The following CYFIP2 variants were observed in gnomAD, a reference collection of about 807,000 sequenced individuals.
CYFIP2 encodes the protein cytoplasmic FMR1 interacting protein 2.
A neutral mutation model predicts 158.7 loss-of-function variants in CYFIP2; 29 were observed. The observed-to-expected ratio is 0.18, with a 90% confidence interval of 0.14 to 0.25. The LOEUF (loss-of-function observed/expected upper bound fraction) is 0.25. Ranked by LOEUF, CYFIP2 falls within the 10% of genes least tolerant of loss-of-function variation. The pLI, the probability that CYFIP2 is intolerant of heterozygous loss-of-function variation, is 1.00. For missense variants in CYFIP2, 852 were observed against 1,639.5 expected (o/e 0.52, Z 8.29); for synonymous variants, 585 against 617.6 (o/e 0.95, Z 0.78).
chr5:157,323,713 G>C (rs1760790260), intron 15 of CYFIP2, among the ~76,000 whole-genome samples: 1 of 152,214 alleles, frequency 6.6e-6, no homozygotes, highest in Non-Finnish European at 1.5e-5. Flanking sequence ...ACTGGCCCAG[G>C]GATGCCACGG....
intron 9 of CYFIP2, 48 bp from the exon 10 acceptor site, chr5:157,309,695 C>T: frequency 1.9e-6 from 3 of 1,547,418 alleles, no homozygotes; most frequent in Non-Finnish European, 2.6e-6. Flanking sequence ...AGGCAGCCAC[C>T]CCAACCCCTC....
Position 157,325,485 on chromosome 5 carries a change from C to T in CYFIP2, c.1829C>T (p.Ala610Val). The T allele has an allele frequency of 6.2e-7, 1 of 1,606,498 alleles. No homozygotes were observed. Among genetic ancestry groups the T allele is most frequent in the East Asian group, 2.2e-5 (1 of 44,720 alleles). ...FFTHLLNISE[A>V]LQQCCDLSQL... The stretch of plus-strand genomic sequence containing the variant: ...GCTCGTTCCCTTATGCTTTCAGAAG[C>T]CCTGCAGCAGTGTTGTGACCTCTCC... Residue 610 changes from alanine to valine, a missense_variant, in exon 17 of 31, where the codon GCC (alanine) becomes GTC (valine). Transcript: ENST00000620254.
At chr5:157,310,786 C>T (rs1282416859) in intron 10 of CYFIP2, among the ~76,000 whole-genome samples, 3 of 152,176 alleles carry the variant, frequency 2.0e-5, no homozygotes, top group African/African-American at 4.8e-5. Flanking sequence ...GGAAGGCTGT[C>T]ACTGTTCTAC....
At chr5:157,302,717 A>C in intron 6 of CYFIP2, 77 bp from the exon 7 acceptor site, 3 of 1,130,538 alleles carry the variant, frequency 2.7e-6, no homozygotes, top group South Asian at 1.5e-5. Flanking sequence ...TTAGGTGGGC[A>C]TGCGAGCCCG....
intron 23 of CYFIP2, among the ~76,000 whole-genome samples, chr5:157,353,994 A>C (rs1763247032): frequency 6.6e-6 from 1 of 152,240 alleles, no homozygotes; most frequent in Non-Finnish European, 1.5e-5. Flanking sequence ...ACATTTAAAC[A>C]TGGCTAAAAT....
At position 157,316,172 on chromosome 5, in the gene CYFIP2, CAATT is replaced by C. The variant is rs538503722; in HGVS notation, c.1356+1081_1356+1084del. Among the ~76,000 whole-genome samples the C allele has an allele frequency of 1.2e-3, 187 of 152,118 alleles. 1 individual carries two copies. The highest frequency in any genetic ancestry group is 4.2e-3 in the African/African-American group (174 of 41,518). ...GCATATTGTTAAGTTAAAAAAGAAA[CAATT>C]AAAGAACAGCATATCTGTAGTTTTC... is the stretch of plus-strand genomic sequence containing the variant. On this transcript the variant is annotated intron_variant, in intron 13 of 30. Coordinates refer to ENST00000620254, the MANE Select transcript of CYFIP2 (RefSeq NM_001037333.3).
chr5:157,382,974 T>C (rs955001373), intron 27 of CYFIP2, among the ~76,000 whole-genome samples: 3 of 152,216 alleles, frequency 2.0e-5, no homozygotes, highest in East Asian at 1.9e-4. Flanking sequence ...CCTTCTAACA[T>C]ATCTCTAGTA....
At chr5:157,277,972 T>C (rs1475141759) in intron 1 of CYFIP2, among the ~76,000 whole-genome samples, 1 of 152,064 alleles carries the variant, frequency 6.6e-6, no homozygotes, top group East Asian at 1.9e-4. Flanking sequence ...TGCAACACAG[T>C]GGGAAGTATT....
Position 157,361,585 on chromosome 5 carries a change from T to C in CYFIP2, c.3026T>C (p.Ile1009Thr). The change falls in exon 26 of 31, where the codon ATA (isoleucine) becomes ACA (threonine). Residue 1009 changes from isoleucine (I) to threonine (T), a missense_variant. By Grantham distance (89) the Ile-to-Thr change is moderately conservative. This residue lies in a region of CYFIP2 where 223 missense variants were observed against 381.6 expected (regional missense o/e 0.58). Coordinates refer to ENST00000620254, the MANE Select transcript of CYFIP2 (RefSeq NM_001037333.3). This position sits in a 1 kb window ranked among gnomAD's most constrained non-coding sequence, Gnocchi z 4.4. ...VGNAILFCLL[I>T]EQALSQEEVC... ...AATGCCATCCTCTTCTGCCTCCTCA[T>C]AGAGCAAGCTCTGGTAAGTCCAGAG... The C allele has an allele frequency of 2.5e-6, 4 of 1,613,844 alleles. No individual in the cohort carries two copies. Among genetic ancestry groups the C allele is most frequent in the Non-Finnish European group, 3.4e-6 (4 of 1,179,842 alleles).
intron 23 of CYFIP2, chr5:157,343,302 T>TA (rs755832722): frequency 1.9e-6 from 3 of 1,614,160 alleles, no homozygotes; most frequent in African/African-American, 2.7e-5. Context: ...GCAGCCTTCT[T>TA]ACAGCTGATG....
At chr5:157,331,325 G>C (rs1453907306) in intron 20 of CYFIP2, among the ~76,000 whole-genome samples, 2 of 150,966 alleles carry the variant, frequency 1.3e-5, no homozygotes, top group Non-Finnish European at 2.9e-5. Flanking sequence ...TAGAGGAGAT[G>C]TTGCTGGGAA....
chr5:157,284,137 T>A (rs1182663307), intron 1 of CYFIP2, among the ~76,000 whole-genome samples: 1 of 152,206 alleles, frequency 6.6e-6, no homozygotes, highest in Non-Finnish European at 1.5e-5. Context: ...TGCTTTTTGC[T>A]TTATGTCTGC....
chr5:157,267,256 CT>C, intron 1 of CYFIP2, among the ~76,000 whole-genome samples: 1 of 152,230 alleles, frequency 6.6e-6, no homozygotes, highest in African/African-American at 2.4e-5. Flanking sequence ...TCCTGGGTGC[CT>C]GTGCCCTCAG....
At chr5:157,287,220 C>A in intron 3 of CYFIP2, 112 bp downstream of exon 3, 1 of 785,736 alleles carries the variant, frequency 1.3e-6, no homozygotes, top group Non-Finnish European at 2.1e-6. Context: ...AACCCCCTGC[C>A]TCAGTCAGAA....
chr5:157,359,361 G>C (rs1277301970), intron 24 of CYFIP2, among the ~76,000 whole-genome samples: 1 of 152,102 alleles, frequency 6.6e-6, no homozygotes, highest in Non-Finnish European at 1.5e-5. Flanking sequence ...ACCTATAGCT[G>C]TGCTCCTCAT....
intron 28 of CYFIP2, among the ~76,000 whole-genome samples, chr5:157,388,004 G>C (rs1251806276): frequency 6.6e-6 from 1 of 152,164 alleles, no homozygotes; most frequent in South Asian, 2.1e-4. Context: ...TCCAGGGAGT[G>C]AGCTTCCGGG....
chr5:157,302,270 C>T (rs931029578), intron 6 of CYFIP2, among the ~76,000 whole-genome samples: 35 of 152,164 alleles, frequency 2.3e-4, no homozygotes, highest in Admixed American at 1.3e-4. Context: ...TGCTTGTGTT[C>T]CCTGTGCCCG....
intron 21 of CYFIP2, among the ~76,000 whole-genome samples, chr5:157,337,253 A>G (rs928337786): frequency 3.3e-5 from 5 of 152,142 alleles, no homozygotes; most frequent in Non-Finnish European, 7.3e-5. Context: ...CATTTACTTC[A>G]TGGTACACAA....
intron 13 of CYFIP2, among the ~76,000 whole-genome samples, chr5:157,318,875 A>G (rs11954661): frequency 0.21 from 31,301 of 152,184 alleles, 3,454 homozygotes; most frequent in Middle Eastern, 0.26. Flanking sequence ...TTAGAGGCCA[A>G]TGGAGTCAAA....
Sources: allele counts gnomAD v4.1 joint callset (sites outside exome capture counted in the v4.1 genomes callset), GRCh38; gene constraint gnomAD v4.1.1; regional missense constraint gnomAD v4.1.1; non-coding constraint Gnocchi (gnomAD v3.1); transcripts MANE v1.5; gene names NCBI Gene and HGNC (gene_info 2026-07-23, HGNC 2026-07-21).